SMYD4: variants seen among roughly 807,000 people sequenced by gnomAD.
SMYD4 encodes SET and MYND domain containing 4, also known as protein-lysine N-methyltransferase SMYD4.
Under a neutral mutation model 72.8 loss-of-function variants are expected in SMYD4, and 68 were observed. The ratio of observed to expected loss-of-function variants is 0.93; its 90% CI spans 0.77 to 1.14. SMYD4 has a LOEUF of 1.14. Among genes scored for constraint, SMYD4 ranks in the 50% most tolerant of loss-of-function variants. SMYD4 has a pLI of 0.00. For synonymous variants in SMYD4, 407 were observed against 388.6 expected (o/e 1.05, Z -0.56); for missense variants, 984 against 1,003.7 (o/e 0.98, Z 0.27).
At position 1,783,343 on chromosome 17, in the gene SMYD4, G is replaced by A. The variant is rs762853585; in HGVS notation, c.2137+17C>T. ...GCAGACTGTTCCCGACGCAGAACGT[G>A]AAGGCTCATGCTGTACCTAAGGCAG... On this transcript the variant is annotated intron_variant, in intron 9 of 10. Coordinates refer to ENST00000305513, the MANE Select transcript of SMYD4 (RefSeq NM_052928.3). 1 of 1,611,770 alleles carries A rather than the reference G, an allele frequency of 6.2e-7. No individual in the cohort carries two copies. Among genetic ancestry groups the A allele is most frequent in the Non-Finnish European group, 8.5e-7 (1 of 1,179,738 alleles).
chr17:1,782,448 C>T (rs542829872), intron 10 of SMYD4: 3 of 149,134 alleles, frequency 2.0e-5, no homozygotes, highest in African/African-American at 7.5e-5. Flanking sequence ...CACTGTACTC[C>T]AGCCTGGGCA....
At position 1,828,754 on chromosome 17, in the gene SMYD4, G is replaced by A. The variant is rs557352544; in HGVS notation, c.-12-748C>T. ...TGGGATTACAGATGCGCGCAACTAC[G>A]CCCGGCTAATTTTTGTATTTTTAGT... On this transcript the variant is annotated intron_variant, in intron 1 of 10. Transcript: ENST00000305513. 2.6e-5 allele frequency among the ~76,000 whole-genome samples: 4 copies of A among 151,920 alleles called. No homozygotes were observed. The East Asian group carries it at 5.8e-4, about 22-fold the overall frequency.
At chr17:1,816,328 AT>A (rs144257567) in intron 2 of SMYD4, among the ~76,000 whole-genome samples, 5 of 151,358 alleles carry the variant, frequency 3.3e-5, no homozygotes, top group African/African-American at 7.3e-5. Context: ...ATTTAAAAAA[AT>A]TTTTTTTTGG....
intron 7 of SMYD4, among the ~76,000 whole-genome samples, chr17:1,784,793 T>C (rs188928961): frequency 2.6e-4 from 40 of 152,046 alleles, no homozygotes; most frequent in Admixed American, 1.1e-3. Flanking sequence ...TTTTTTGAGA[T>C]GGAGTCTCGC....
intron 6 of SMYD4, 105 bp downstream of exon 6, chr17:1,787,317 C>A: frequency 7.1e-7 from 1 of 1,404,772 alleles, no homozygotes; most frequent in South Asian, 1.3e-5. Flanking sequence ...TTCCAGGAAG[C>A]AGACAGTAGA....
Position 1,817,875 on chromosome 17 carries a change from G to A in SMYD4, c.135-5760C>T, listed in dbSNP as rs921941781. Among the ~76,000 whole-genome samples, 12 of 151,750 alleles carry A rather than the reference G, an allele frequency of 7.9e-5. No individual in the cohort carries two copies. In the East Asian group the frequency reaches 9.7e-4, roughly 12 times the overall value. ...ATCCTGGCTAACATGGTGAAACCCC[G>A]TCTCTACTAAAAATACAAAAAATTA... On this transcript the variant is annotated intron_variant, in intron 2 of 10. Coordinates refer to ENST00000305513, the MANE Select transcript of SMYD4 (RefSeq NM_052928.3).
intron 5 of SMYD4, among the ~76,000 whole-genome samples, chr17:1,789,406 C>A (rs757533762): frequency 2.7e-4 from 40 of 150,582 alleles, no homozygotes; most frequent in Non-Finnish European, 4.6e-4. Flanking sequence ...AAAACAAATT[C>A]ACCAAAGAAA....
At chr17:1,804,866 T>G (rs1366977597) in intron 3 of SMYD4, 151 bp from the exon 4 acceptor site, 4 of 693,494 alleles carry the variant, frequency 5.8e-6, no homozygotes, top group South Asian at 1.7e-5. Flanking sequence ...TTTAACTACC[T>G]GAGAGCAAAG....
chr17:1,806,017 G>A (rs1343958304), intron 3 of SMYD4, among the ~76,000 whole-genome samples: 1 of 149,060 alleles, frequency 6.7e-6, no homozygotes, highest in African/African-American at 2.5e-5. Flanking sequence ...TCCAACTCCC[G>A]GGTTCGCGCC....
At chr17:1,784,100 G>A (rs1908520563) in intron 8 of SMYD4, among the ~76,000 whole-genome samples, 1 of 152,256 alleles carries the variant, frequency 6.6e-6, no homozygotes, top group Admixed American at 6.5e-5. Flanking sequence ...GCAATCAGAT[G>A]CAGAAGAAAA....
intron 10 of SMYD4, 117 bp from the exon 11 acceptor site, chr17:1,781,556 A>C (rs1277826634): frequency 1.7e-6 from 2 of 1,209,944 alleles, no homozygotes; most frequent in Non-Finnish European, 2.3e-6. Context: ...AGGATCCTAC[A>C]ATCTAGAACA....
In SMYD4 at chr17:1,800,334, A is replaced by C. The variant is rs764424615; in HGVS notation, c.1060T>G (p.Leu354Val). The C allele has an allele frequency of 1.9e-6, 3 of 1,613,956 alleles. No individual in the cohort carries two copies. In the South Asian group the frequency reaches 3.3e-5, roughly 18 times the overall value. The change falls in exon 5 of 11, where the codon TTG becomes GTG. Residue 354 changes from leucine (L) to valine (V), a missense_variant. By Grantham distance (32) the Leu-to-Val change is conservative. Coordinates refer to ENST00000305513, the MANE Select transcript of SMYD4 (RefSeq NM_052928.3). ...LGVFCHIALR[L>V]TLLVGFEDVR... ...TCCTCAAATCCCACCAAAAGAGTCA[A>C]CCTCAGGGCAATGTGGCAAAAGACA...
At chr17:1,782,929 AAAG>A in intron 10 of SMYD4, 103 bp downstream of exon 10, 1 of 1,488,404 alleles carries the variant, frequency 6.7e-7, no homozygotes, top group Non-Finnish European at 9.0e-7. Flanking sequence ...AAGAGGAAAT[AAAG>A]AAGTTTCAAC....
intron 2 of SMYD4, among the ~76,000 whole-genome samples, chr17:1,827,360 A>G (rs1009225132): frequency 6.6e-6 from 1 of 151,630 alleles, no homozygotes; most frequent in Non-Finnish European, 1.5e-5. Flanking sequence ...AAAGAAAAAA[A>G]AAAAAAGAAA....
At position 1,800,385 on chromosome 17, in the gene SMYD4, G is replaced by T. The variant is rs780696227; in HGVS notation, c.1009C>A (p.Leu337Met). Residue 337 changes from leucine to methionine, a missense_variant, in exon 5 of 11, where the codon CTG becomes ATG. Coordinates refer to ENST00000305513, the MANE Select transcript of SMYD4 (RefSeq NM_052928.3). ...CCCAGTGTGAGAAGCAGCCCTCCCA[G>T]AGGACATTCTGTCCTGTGGTAGAGC... ...WELYHRTECPLGGLLLTLGVF... is the reference protein window; with the variant it reads ...WELYHRTECPMGGLLLTLGVF... The T allele has an allele frequency of 1.2e-6, 2 of 1,614,100 alleles. No individual in the cohort carries two copies. The highest frequency in any genetic ancestry group is 2.7e-5 in the African/African-American group (2 of 74,936).
intron 2 of SMYD4, among the ~76,000 whole-genome samples, chr17:1,821,059 G>A (rs1219129972): frequency 6.6e-6 from 1 of 152,092 alleles, no homozygotes; most frequent in African/African-American, 2.4e-5. Context: ...TAACCCCAGG[G>A]GAAACGAGAG....
At position 1,829,886 on chromosome 17, in the gene SMYD4, C is replaced by T. The variant is rs538883575; in HGVS notation, c.-173G>A. 7 of 418,424 alleles carry T rather than the reference C, an allele frequency of 1.7e-5. No individual in the cohort carries two copies. The Admixed American group carries it at 2.8e-4, about 17-fold the overall frequency. 25.9% of individuals were successfully genotyped at this position (418,424 alleles called of 1,614,324 possible). ...GCGTCCGGCGTCCCGCGCCAGGCCT[C>T]GCTTGGGACCATGGGTGGGTCACGT... is the stretch of plus-strand genomic sequence containing the variant. On this transcript the variant is annotated 5_prime_UTR_variant, in exon 1 of 11. Coordinates refer to ENST00000305513, the MANE Select transcript of SMYD4 (RefSeq NM_052928.3).
chr17:1,828,564 A>G (rs1037512397), intron 1 of SMYD4, among the ~76,000 whole-genome samples: 2 of 150,194 alleles, frequency 1.3e-5, no homozygotes, highest in African/African-American at 4.9e-5. Flanking sequence ...AAGACGAAGC[A>G]GACTAGATAG....
intron 4 of SMYD4, among the ~76,000 whole-genome samples, chr17:1,801,589 G>T (rs1357232491): frequency 2.7e-5 from 3 of 110,274 alleles, no homozygotes; most frequent in Admixed American, 1.1e-4. Context: ...CTTATGAATA[G>T]AAGAATTATA....
Sources: gnomAD v4.1 joint callset for allele counts (sites outside exome capture counted in the v4.1 genomes callset) on GRCh38, gnomAD v4.1.1 for gene constraint, MANE v1.5 for transcripts, NCBI Gene and HGNC (gene_info 2026-07-23, HGNC 2026-07-21) for gene names.